FREM1: variants seen among roughly 807,000 people sequenced by gnomAD.
FREM1 encodes FRAS1 related extracellular matrix 1, also known as FRAS1-related extracellular matrix protein 1.
FREM1 carries 220 observed loss-of-function variants against 210.1 expected under a neutral mutation model. The observed-to-expected ratio is 1.05, with a 90% CI of 0.94 to 1.17. The LOEUF (loss-of-function observed/expected upper bound fraction) is 1.17. Among genes scored for constraint, FREM1 ranks in the 50% most tolerant of loss-of-function variants. The pLI is 0.00. For synonymous variants in FREM1, 1,189 were observed against 980.2 expected, an observed-to-expected ratio of 1.21 and a Z score of -3.98; for missense variants, 3,454 against 2,675.5, an observed-to-expected ratio of 1.29 and a Z score of -6.42.
At chr9:14,882,789 T>C (rs1835019628) in intron 1 of FREM1, among the ~76,000 whole-genome samples, 1 of 151,112 alleles carries the variant, frequency 6.6e-6, no homozygotes, top group African/African-American at 2.4e-5. Flanking sequence ...ATGAACATAC[T>C]TTCCTCTTTC....
At chr9:14,781,438 T>C (rs1218204209) in intron 24 of FREM1, among the ~76,000 whole-genome samples, 1 of 152,254 alleles carries the variant, frequency 6.6e-6, no homozygotes, top group African/African-American at 2.4e-5. Flanking sequence ...GTACTATGTG[T>C]ACTCTTATTA....
At chr9:14,754,649 C>A (rs1843967006) in intron 29 of FREM1, among the ~76,000 whole-genome samples, 1 of 152,010 alleles carries the variant, frequency 6.6e-6, no homozygotes, top group African/African-American at 2.4e-5. Context: ...AAAAGGGGGA[C>A]TTGGCTGGGC....
intron 22 of FREM1, 134 bp from the exon 23 acceptor site, chr9:14,789,248 G>T: frequency 1.8e-6 from 1 of 552,908 alleles, no homozygotes; most frequent in Non-Finnish European, 2.9e-6. Flanking sequence ...ACTACTTTTT[G>T]CCACTTTACC....
chr9:14,798,932 C>T (rs1402120362), intron 20 of FREM1, among the ~76,000 whole-genome samples: 2 of 152,042 alleles, frequency 1.3e-5, no homozygotes, highest in African/African-American at 4.8e-5. Context: ...TCCTGGCCTC[C>T]CAAAGTGCTG....
upstream of FREM1, chr9:14,910,564 TACACACACAGGC>T (rs1405691990): frequency 6.5e-6 from 1 of 152,712 alleles, no homozygotes; most frequent in African/African-American, 2.4e-5. Context: ...CTCACAGAGG[TACACACACAGGC>T]ACACATACAA....
chr9:14,899,739 G>C (rs1029625478), intron 1 of FREM1, among the ~76,000 whole-genome samples: 1 of 152,198 alleles, frequency 6.6e-6, no homozygotes, highest in Non-Finnish European at 1.5e-5. Flanking sequence ...TCTAGAGGTA[G>C]AAACGTATTT....
intron 24 of FREM1, among the ~76,000 whole-genome samples, chr9:14,780,723 A>G (rs1040985696): frequency 6.6e-6 from 1 of 152,258 alleles, no homozygotes; most frequent in Non-Finnish European, 1.5e-5. Flanking sequence ...ATCCTCTGCC[A>G]CAGAATTTAT....
intron 18 of FREM1, among the ~76,000 whole-genome samples, chr9:14,806,453 C>T (rs981041337): frequency 1.3e-5 from 2 of 152,160 alleles, no homozygotes; most frequent in South Asian, 2.1e-4. Context: ...GGGGTTTCAC[C>T]ACATTGGTCA....
At chr9:14,863,971 G>A (rs1564115548) in intron 2 of FREM1, 68 bp from the exon 3 acceptor site, 2 of 960,284 alleles carry the variant, frequency 2.1e-6, no homozygotes, top group Non-Finnish European at 3.3e-6. Flanking sequence ...ATTTTGCCAG[G>A]AGAGCACTGC....
rs189637508 is a variant in FREM1, at chr9:14,844,249, G to A, written c.1394-1589C>T. Reference sequence around the variant, plus strand: ...CCTTTTTTTTTTTTTTTCTTTAGACGGAGTCTCCCTCTGTCGCCCAGGCTG... The same window carrying A: ...CCTTTTTTTTTTTTTTTCTTTAGACAGAGTCTCCCTCTGTCGCCCAGGCTG... On this transcript the variant is annotated intron_variant, in intron 8 of 36. Coordinates refer to ENST00000380880, the MANE Select transcript of FREM1 (RefSeq NM_001379081.2). 4.2e-3 allele frequency among the ~76,000 whole-genome samples: 617 copies of A among 147,594 alleles called. 20 individuals are homozygous for A. Among genetic ancestry groups the A allele is most frequent in the Admixed American group, 0.039 (570 of 14,722 alleles).
At chr9:14,834,311 T>G (rs2642416) in intron 10 of FREM1, among the ~76,000 whole-genome samples, 100,804 of 151,982 alleles carry the variant, frequency 0.66, 35,548 homozygotes, top group East Asian at 0.82. Context: ...GCACTACACC[T>G]TCTTCTCCCA....
chr9:14,866,148 T>C (rs148965450), intron 2 of FREM1, among the ~76,000 whole-genome samples: 41 of 152,310 alleles, frequency 2.7e-4, no homozygotes, highest in African/African-American at 9.6e-4. Flanking sequence ...TTCAGAGGTG[T>C]TTCTCAGCAA....
intron 15 of FREM1, among the ~76,000 whole-genome samples, chr9:14,816,135 TTC>T (rs1205482274): frequency 1.6e-4 from 25 of 152,290 alleles, no homozygotes; most frequent in Admixed American, 1.4e-3. Context: ...AAACAAATAT[TTC>T]TGAGTTTTAT....
chr9:14,776,654 A>G (rs1487634000), intron 24 of FREM1, among the ~76,000 whole-genome samples: 1 of 152,254 alleles, frequency 6.6e-6, no homozygotes, highest in Non-Finnish European at 1.5e-5. Flanking sequence ...CTGGGAGGCC[A>G]ATACAATAAA....
intron 28 of FREM1, 79 bp from the exon 29 acceptor site, chr9:14,756,525 G>A: frequency 1.0e-6 from 1 of 963,786 alleles, no homozygotes; most frequent in Non-Finnish European, 1.6e-6. Flanking sequence ...CCCTCATACT[G>A]GACTAAACTC....
intron 10 of FREM1, among the ~76,000 whole-genome samples, chr9:14,831,618 T>G (rs1369046484): frequency 6.6e-6 from 1 of 152,246 alleles, no homozygotes; most frequent in Non-Finnish European, 1.5e-5. Context: ...GAACCATTTT[T>G]CTATGGGTAA....
intron 13 of FREM1, among the ~76,000 whole-genome samples, chr9:14,821,943 C>G (rs965797174): frequency 1.3e-5 from 2 of 152,166 alleles, no homozygotes; most frequent in African/African-American, 4.8e-5. Context: ...TGTCCCTACC[C>G]AAATCTCACC....
rs571276691 is a variant in FREM1 at position 14,833,551 on chromosome 9, T to G, written c.1881+7896A>C. Among the ~76,000 whole-genome samples the G allele has an allele frequency of 2.6e-5, 4 of 152,348 alleles. No individual in the cohort carries two copies. In the South Asian group the frequency reaches 8.3e-4, roughly 32 times the overall value. On this transcript the variant is annotated intron_variant, in intron 10 of 36. Coordinates refer to ENST00000380880, the MANE Select transcript of FREM1 (RefSeq NM_001379081.2). ...ACTCCTTTGAAAATACCTTGCACAC[T>G]CATGGTTAAGTCATAACCTAATTAA... is the stretch of plus-strand genomic sequence containing the variant.
intron 8 of FREM1, among the ~76,000 whole-genome samples, 195 bp downstream of exon 8, chr9:14,845,765 T>C (rs1016301731): frequency 6.6e-6 from 1 of 152,194 alleles, no homozygotes; most frequent in African/African-American, 2.4e-5. Context: ...CAAGGTACCA[T>C]TCATAAATGG....
Sources: gnomAD v4.1 joint callset for allele counts (sites outside exome capture counted in the v4.1 genomes callset) on GRCh38, gnomAD v4.1.1 for gene constraint, MANE v1.5 for transcripts, NCBI Gene and HGNC (gene_info 2026-07-23, HGNC 2026-07-21) for gene names.